The following TRPM7 variants were observed in gnomAD, a reference collection of about 807,000 sequenced individuals.
The protein encoded by TRPM7 is transient receptor potential cation channel subfamily M member 7.
TRPM7 carries 134 observed loss-of-function variants against 229.7 expected under a neutral mutation model. That is an observed-to-expected ratio of 0.58 (90% confidence interval 0.51 to 0.67). The LOEUF is 0.67. Among genes scored for constraint, TRPM7 ranks in the 30% least tolerant of loss-of-function variants. The probability of loss-of-function intolerance (pLI) is 0.00; values close to 1 mark genes in which losing one functional copy is unlikely to be tolerated. For synonymous variants in TRPM7, 699 were observed against 715.2 expected, an observed-to-expected ratio of 0.98 and a Z score of 0.36; for missense variants, 1,901 against 2,210.0, an observed-to-expected ratio of 0.86 and a Z score of 2.80.
At chr15:50,644,676 A>T (rs2061206486) in intron 4 of TRPM7, among the ~76,000 whole-genome samples, 1 of 151,930 alleles carries the variant, frequency 6.6e-6, no homozygotes, top group Admixed American at 6.6e-5. Context: ...GAGTGCTTGT[A>T]ATCCCAGCTA....
intron 13 of TRPM7, among the ~76,000 whole-genome samples, chr15:50,616,767 G>A (rs753837666): frequency 1.3e-5 from 2 of 151,690 alleles, no homozygotes; most frequent in Non-Finnish European, 2.9e-5. Context: ...TGCAACCTCC[G>A]CTTCCCAGGT....
intron 1 of TRPM7, among the ~76,000 whole-genome samples, chr15:50,682,929 T>G (rs540996397): frequency 2.0e-5 from 3 of 151,484 alleles, no homozygotes; most frequent in Non-Finnish European, 4.4e-5. Flanking sequence ...CAGGGTCTGG[T>G]TCTGTTACCC....
intron 1 of TRPM7, among the ~76,000 whole-genome samples, chr15:50,674,715 C>T (rs2062057536): frequency 6.6e-6 from 1 of 152,154 alleles, no homozygotes; most frequent in African/African-American, 2.4e-5. Context: ...TTTCTTGTAA[C>T]ACAGGTCTAG....
chr15:50,619,597 A>C (rs960592947), intron 13 of TRPM7, 148 bp downstream of exon 13: 7 of 656,952 alleles, frequency 1.1e-5, no homozygotes, highest in Non-Finnish European at 1.7e-5. Context: ...CTCTTACCAC[A>C]AATTCAGCCC....
chr15:50,590,023 A>T (rs1417751908), intron 26 of TRPM7, among the ~76,000 whole-genome samples: 1 of 151,944 alleles, frequency 6.6e-6, no homozygotes, highest in African/African-American at 2.4e-5. Flanking sequence ...ATGCCTGACT[A>T]ATTTTTGTAT....
At chr15:50,666,872 G>T (rs1161944231) in intron 1 of TRPM7, among the ~76,000 whole-genome samples, 1 of 152,098 alleles carries the variant, frequency 6.6e-6, no homozygotes, top group Non-Finnish European at 1.5e-5. Flanking sequence ...CAAGGTAATT[G>T]AAAGATAAAG....
chr15:50,617,659 C>G (rs1416901981), intron 13 of TRPM7, among the ~76,000 whole-genome samples: 1 of 151,920 alleles, frequency 6.6e-6, no homozygotes, highest in African/African-American at 2.4e-5. Flanking sequence ...TAACGTCATT[C>G]TTTTTTCTTA....
chr15:50,681,245 C>T (rs370701691), intron 1 of TRPM7, among the ~76,000 whole-genome samples: 6 of 127,068 alleles, frequency 4.7e-5, no homozygotes, highest in African/African-American at 2.2e-4. Flanking sequence ...AGCAAGACTT[C>T]GTCTCAAAAA....
At chr15:50,635,664 C>CAAAAAAAAA (rs765054880) in intron 7 of TRPM7, among the ~76,000 whole-genome samples, 5 of 56,580 alleles carry the variant, frequency 8.8e-5, no homozygotes, top group South Asian at 6.4e-4. Context: ...CTCCATCTCC[C>CAAAAAAAAA]AAAAAAAAAA....
intron 4 of TRPM7, among the ~76,000 whole-genome samples, chr15:50,646,103 C>T (rs1298294104): frequency 1.5e-4 from 17 of 115,856 alleles, no homozygotes; most frequent in African/African-American, 4.3e-4. Flanking sequence ...GGCAACAGAG[C>T]GAGTCTCAAA....
Position 50,611,264 on chromosome 15 carries a change from G to T in TRPM7, c.2109C>A (p.Thr703=). 5 of 1,613,844 alleles carry T rather than the reference G, an allele frequency of 3.1e-6. No individual in the cohort carries two copies. The highest frequency in any genetic ancestry group is 4.2e-6 in the Non-Finnish European group (5 of 1,179,910). The change falls in exon 17 of 39, where the codon ACC becomes ACA. Residue 703 remains threonine, a synonymous_variant. Transcript: ENST00000646667. Reference sequence around the variant, plus strand: ...CATAAGTGAGCAATTTCATAGCCATGGTTTCATCTTGTCTGAAGGACTGTT... The same window carrying T: ...CATAAGTGAGCAATTTCATAGCCATTGTTTCATCTTGTCTGAAGGACTGTT... ...LLEQSFRQDE[T]MAMKLLTYEL...
intron 9 of TRPM7, among the ~76,000 whole-genome samples, chr15:50,632,077 C>T (rs1272183995): frequency 3.3e-5 from 5 of 151,966 alleles, no homozygotes; most frequent in East Asian, 1.9e-4. Context: ...CCAAGGTGGG[C>T]GGATCACGTG....
chr15:50,677,965 C>T (rs574359622), intron 1 of TRPM7, among the ~76,000 whole-genome samples: 21 of 151,872 alleles, frequency 1.4e-4, no homozygotes, highest in South Asian at 8.3e-4. Context: ...ATTGGCTGGG[C>T]GCAGTGGCTC....
chr15:50,686,187 G>T (rs2062356463), intron 1 of TRPM7, among the ~76,000 whole-genome samples: 1 of 152,214 alleles, frequency 6.6e-6, no homozygotes, highest in African/African-American at 2.4e-5. Context: ...GGAGCTTGTA[G>T]GCTGAGCCCT....
At position 50,686,518 on chromosome 15, in the gene TRPM7, G is replaced by A. The variant is rs780712827; in HGVS notation, c.3+13C>T. 1.2e-6 allele frequency: 2 copies of A among 1,613,812 alleles called. No homozygotes were observed. The highest frequency in any genetic ancestry group is 2.2e-5 in the East Asian group (1 of 44,804). On this transcript the variant is annotated intron_variant, in intron 1 of 38. Transcript: ENST00000646667. ...AGAACCATTCCCCGCCCGGGCCTGC[G>A]TGGGTCCAGTACCATTCTCCTCACG...
chr15:50,668,842 G>A (rs753041662), intron 1 of TRPM7, among the ~76,000 whole-genome samples: 3 of 152,076 alleles, frequency 2.0e-5, no homozygotes, highest in Admixed American at 6.6e-5. Flanking sequence ...AGTAAGAATC[G>A]GTTTTCTCTT....
At chr15:50,620,284 T>TA (rs984062502) in intron 12 of TRPM7, among the ~76,000 whole-genome samples, 31 of 150,794 alleles carry the variant, frequency 2.1e-4, no homozygotes, top group Admixed American at 4.7e-4. Flanking sequence ...TCTTAAAACA[T>TA]AGAGTTTTTT....
At chr15:50,621,135 G>A (rs2060388791) in intron 12 of TRPM7, among the ~76,000 whole-genome samples, 1 of 139,582 alleles carries the variant, frequency 7.2e-6, no homozygotes, top group Non-Finnish European at 1.5e-5. Context: ...ACTCCAGCCT[G>A]GGCAACAGCG....
chr15:50,600,522 C>T (rs2059750997), intron 21 of TRPM7, among the ~76,000 whole-genome samples: 1 of 151,696 alleles, frequency 6.6e-6, no homozygotes, highest in Non-Finnish European at 1.5e-5. Flanking sequence ...CATAAATAAT[C>T]ATCTAGCTGA....
Sources: allele counts gnomAD v4.1 joint callset (sites outside exome capture counted in the v4.1 genomes callset), GRCh38; gene constraint gnomAD v4.1.1; transcripts MANE v1.5; gene names NCBI Gene and HGNC (gene_info 2026-07-23, HGNC 2026-07-21).